The following RBMS3 variants were observed in gnomAD, a reference collection of about 807,000 sequenced individuals.
RBMS3 encodes the protein RNA binding motif single stranded interacting protein 3, also known as RNA-binding motif, single-stranded-interacting protein 3.
A neutral mutation model predicts 66.8 loss-of-function variants in RBMS3; 27 were observed. The observed-to-expected ratio is 0.40, with a 90% CI of 0.30 to 0.56. The LOEUF (loss-of-function observed/expected upper bound fraction) is 0.56, where lower values mean the gene tolerates loss of function less well. Ranked by LOEUF, RBMS3 falls within the 20% of genes least tolerant of loss-of-function variation. RBMS3 has a pLI of 0.40. For synonymous variants in RBMS3, 188 were observed against 183.0 expected (o/e 1.03, Z -0.22); for missense variants, 513 against 549.5 (o/e 0.93, Z 0.66).
Position 29,829,139 on chromosome 3 carries a change from G to A in RBMS3, c.638-39719G>A, listed in dbSNP as rs559139994. On this transcript the variant is annotated intron_variant, in intron 6 of 14. Transcript: ENST00000383767. ...GGCTCACTGCAACCTCTGCCTCCCA[G>A]GTTCAAGCGATTCTCCTGCCTTTGC... Among the ~76,000 whole-genome samples, 4 of 152,112 alleles carry A rather than the reference G, an allele frequency of 2.6e-5. No individual in the cohort carries two copies. In the East Asian group the frequency reaches 5.8e-4, roughly 22 times the overall value.
rs370503447 is a variant in RBMS3 at position 29,514,773 on chromosome 3, G to A, written c.307+26274G>A. 5.4e-5 allele frequency among the ~76,000 whole-genome samples: 8 copies of A among 147,008 alleles called. No homozygotes were observed. In the East Asian group the frequency reaches 8.0e-4, roughly 15 times the overall value. On this transcript the variant is annotated intron_variant, in intron 3 of 14. Transcript: ENST00000383767. Reference sequence around the variant, plus strand: ...TATATATATAAGCATATATACGATAGGCATATATATATATGATAGGCATAT... The same window carrying A: ...TATATATATAAGCATATATACGATAAGCATATATATATATGATAGGCATAT...
At chr3:29,707,210 A>C (rs1448009693) in intron 4 of RBMS3, among the ~76,000 whole-genome samples, 1 of 152,158 alleles carries the variant, frequency 6.6e-6, no homozygotes, top group South Asian at 2.1e-4. Context: ...AAATTTTATC[A>C]TGTGTACTTT....
chr3:29,358,310 A>C (rs552368525), intron 1 of RBMS3, among the ~76,000 whole-genome samples: 19 of 152,154 alleles, frequency 1.2e-4, no homozygotes, highest in African/African-American at 4.6e-4. Flanking sequence ...GAAATCCTTT[A>C]CCCATTTCTT....
intron 3 of RBMS3, among the ~76,000 whole-genome samples, chr3:29,498,009 T>C (rs1194494115): frequency 8.9e-6 from 1 of 112,842 alleles, no homozygotes; most frequent in East Asian, 2.9e-4. Flanking sequence ...TTTTTTTTTT[T>C]TGGGAGACAG....
At chr3:29,374,521 C>T (rs930919591) in intron 1 of RBMS3, among the ~76,000 whole-genome samples, 2 of 152,128 alleles carry the variant, frequency 1.3e-5, no homozygotes, top group Admixed American at 6.5e-5. Flanking sequence ...ACTTTCAGTA[C>T]AGTAGTCAAT....
intron 4 of RBMS3, among the ~76,000 whole-genome samples, chr3:29,686,074 G>T (rs1243689904): frequency 6.6e-6 from 1 of 152,288 alleles, no homozygotes; most frequent in Middle Eastern, 3.4e-3. Context: ...ACCTTAGACA[G>T]GTGGCCTAAA....
rs114269797 is a variant in RBMS3, at chr3:29,784,642, C to T, written c.637+21653C>T. Among the ~76,000 whole-genome samples the T allele has an allele frequency of 3.1e-3, 470 of 151,954 alleles. 1 individual carries two copies. Among genetic ancestry groups the T allele is most frequent in the African/African-American group, 0.01 (428 of 41,474 alleles). On this transcript the variant is annotated intron_variant, in intron 6 of 14. Transcript: ENST00000383767. ...CCTTACAGAACTGGAGAAACAATAA[C>T]GATTCAAACCCACGCCCAACAGAAG...
At position 29,696,700 on chromosome 3, in the gene RBMS3, G is replaced by A. The variant is rs569887091; in HGVS notation, c.400-43020G>A. Among the ~76,000 whole-genome samples, 5 of 152,286 alleles carry A rather than the reference G, an allele frequency of 3.3e-5. No homozygotes were observed. In the South Asian group the frequency reaches 8.3e-4, roughly 25 times the overall value. On this transcript the variant is annotated intron_variant, in intron 4 of 14. Coordinates refer to ENST00000383767, the MANE Select transcript of RBMS3 (RefSeq NM_001003793.3). ...AGCTCTTGCTCCCCAAGGAGCAGAT[G>A]CTTCTGGGGAGGTTCAGGAGCACGT...
intron 3 of RBMS3, among the ~76,000 whole-genome samples, chr3:29,527,181 TAAAAAAAAAAAAAAAAA>T (rs538907247): frequency 4.6e-5 from 4 of 87,828 alleles, no homozygotes; most frequent in Admixed American, 1.4e-4. Flanking sequence ...TTAGGTAGAG[TAAAAAAAAAAAAAAAAA>T]AAAAAAAAAA....
chr3:29,476,305 G>A (rs1225113679), intron 2 of RBMS3, among the ~76,000 whole-genome samples: 1 of 152,132 alleles, frequency 6.6e-6, no homozygotes, highest in African/African-American at 2.4e-5. Context: ...TCTACTATAA[G>A]CCTATTATTG....
chr3:29,626,594 C>T (rs749327364), intron 4 of RBMS3, among the ~76,000 whole-genome samples: 1 of 152,084 alleles, frequency 6.6e-6, no homozygotes, highest in Non-Finnish European at 1.5e-5. Context: ...ATTTTGCTAC[C>T]ATTTTTGTTT....
intron 6 of RBMS3, among the ~76,000 whole-genome samples, chr3:29,790,751 G>A (rs17024385): frequency 0.013 from 2,004 of 152,182 alleles, 35 homozygotes; most frequent in East Asian, 0.039. Flanking sequence ...TGCTTTTTGA[G>A]TCAGTTATCG....
chr3:29,714,690 G>T (rs1034315794), intron 4 of RBMS3, among the ~76,000 whole-genome samples: 1 of 151,966 alleles, frequency 6.6e-6, no homozygotes, highest in African/African-American at 2.4e-5. Context: ...TAACATGTAA[G>T]GTAGGATTAG....
At chr3:29,618,620 C>T (rs755132455) in intron 4 of RBMS3, among the ~76,000 whole-genome samples, 11 of 152,104 alleles carry the variant, frequency 7.2e-5, no homozygotes, top group Admixed American at 1.3e-4. Context: ...TAATGATGAG[C>T]CTGCCTTGAA....
chr3:29,488,590 A>G lies in RBMS3; in HGVS notation c.307+91A>G. 6.2e-6 allele frequency: 7 copies of G among 1,121,392 alleles called. No individual in the cohort carries two copies. In the South Asian group the frequency reaches 1.0e-4, roughly 16 times the overall value. The allele number at this position is 1,121,392 out of a possible 1,614,324, so 69.5% of individuals were successfully genotyped here. On this transcript the variant is annotated intron_variant, in intron 3 of 14. Coordinates refer to ENST00000383767, the MANE Select transcript of RBMS3 (RefSeq NM_001003793.3). ...GTGGAGGTCCAGGTACCAGCTGCAC[A>G]ATGATCACAATGCATAGTATGGAAA...
At chr3:29,542,977 G>A (rs1004215046) in intron 3 of RBMS3, among the ~76,000 whole-genome samples, 1 of 152,150 alleles carries the variant, frequency 6.6e-6, no homozygotes, top group Non-Finnish European at 1.5e-5. Context: ...AAGTTTAAGA[G>A]AAATGATAAA....
chr3:29,798,418 GAGAA>G (rs2057284111), intron 6 of RBMS3, among the ~76,000 whole-genome samples: 2 of 151,614 alleles, frequency 1.3e-5, no homozygotes, highest in African/African-American at 4.8e-5. Context: ...AAGAGAAAGG[GAGAA>G]AGAAAGAGAA....
intron 6 of RBMS3, among the ~76,000 whole-genome samples, chr3:29,842,713 T>A (rs2149506194): frequency 6.6e-6 from 1 of 152,286 alleles, no homozygotes; most frequent in East Asian, 1.9e-4. Flanking sequence ...CCTGATTCTT[T>A]CAGATGAACC....
At chr3:29,512,742 C>A (rs981226003) in intron 3 of RBMS3, among the ~76,000 whole-genome samples, 6 of 152,164 alleles carry the variant, frequency 3.9e-5, no homozygotes, top group African/African-American at 1.4e-4. Context: ...GGGACAAAGG[C>A]TGTCTAATAT....
Sources: allele counts gnomAD v4.1 joint callset (sites outside exome capture counted in the v4.1 genomes callset), GRCh38; gene constraint gnomAD v4.1.1; transcripts MANE v1.5; gene names NCBI Gene and HGNC (gene_info 2026-07-23, HGNC 2026-07-21).